EFCAB12: variants seen among roughly 807,000 people sequenced by gnomAD.
EFCAB12 encodes the protein EF-hand calcium binding domain 12.
Under a neutral mutation model 53.6 loss-of-function variants are expected in EFCAB12, and 43 were observed. The observed-to-expected ratio is 0.80, with a 90% confidence interval of 0.63 to 1.03. The LOEUF (loss-of-function observed/expected upper bound fraction) is 1.03. EFCAB12 is among the 50% of genes least tolerant of loss of function. The probability of loss-of-function intolerance (pLI) is 0.00; values close to 1 mark genes in which losing one functional copy is unlikely to be tolerated. For synonymous variants in EFCAB12, 269 were observed against 289.2 expected (o/e 0.93, Z 0.71); for missense variants, 646 against 730.6 (o/e 0.88, Z 1.34).
chr3:129,406,816 TG>T (rs200032565), intron 6 of EFCAB12, among the ~76,000 whole-genome samples: 1 of 149,900 alleles, frequency 6.7e-6, no homozygotes, highest in Non-Finnish European at 1.5e-5. Flanking sequence ...ATGTGACCGT[TG>T]GAGGGGGGAG....
At chr3:129,425,688 CT>C (rs1479680940) in intron 1 of EFCAB12, among the ~76,000 whole-genome samples, 2 of 152,146 alleles carry the variant, frequency 1.3e-5, no homozygotes, top group African/African-American at 4.8e-5. Flanking sequence ...GGGAAATGGG[CT>C]CTTATAATAA....
rs1053472605 is a variant in EFCAB12, at chr3:129,401,459, C to T, written c.*134G>A. 6 of 1,280,494 alleles carry T rather than the reference C, an allele frequency of 4.7e-6. No individual in the cohort carries two copies. The highest frequency in any genetic ancestry group is 5.8e-5 in the Admixed American group (2 of 34,222). 79.3% of individuals were successfully genotyped at this position (1,280,494 alleles called of 1,614,324 possible). A position where few individuals can be genotyped will look rare whatever the true frequency, so the allele number is the denominator to read the frequency against. On this transcript the variant is annotated 3_prime_UTR_variant, in exon 9 of 9. Transcript: ENST00000505956. Reference sequence around the variant, plus strand: ...ACACTTTGAGTCCAGAGGGAACTGGCCCCCGGTCCATCCCTCTTTGAAAGG... The same window carrying T: ...ACACTTTGAGTCCAGAGGGAACTGGTCCCCGGTCCATCCCTCTTTGAAAGG...
Position 129,418,280 on chromosome 3 carries a change from C to G in EFCAB12, c.655G>C (p.Glu219Gln). 6.2e-7 allele frequency: 1 copy of G among 1,612,660 alleles called. No homozygotes were observed. Among genetic ancestry groups the G allele is most frequent in the Non-Finnish European group, 8.5e-7 (1 of 1,179,096 alleles). The change falls in exon 3 of 9, where the codon GAG becomes CAG. Residue 219 changes from glutamate to glutamine, a missense_variant. Physicochemically the swap from Glu to Gln is conservative, Grantham distance 29 (BLOSUM62 2). Coordinates refer to ENST00000505956, the MANE Select transcript of EFCAB12 (RefSeq NM_207307.3). ...GCCTTTACAGCCGCGATGAACTCCT[C>G]CCTGGTGATTCTCTGGTTCTCACCC... ...GQGENQRITR[E>Q]EFIAAVKAVG...
chr3:129,412,544 A>T (rs930531011), intron 4 of EFCAB12: 1 of 152,386 alleles, frequency 6.6e-6, no homozygotes, highest in Non-Finnish European at 1.5e-5. Flanking sequence ...ACCAAAACCC[A>T]GAGTCCTCTC....
At chr3:129,417,343 A>C (rs1324758515) in intron 3 of EFCAB12, among the ~76,000 whole-genome samples, 2 of 135,946 alleles carry the variant, frequency 1.5e-5, no homozygotes, top group South Asian at 2.3e-4. Context: ...AAAAAAACCA[A>C]AAAAAAAAAA....
Position 129,401,490 on chromosome 3 carries a change from T to C in EFCAB12, c.*103A>G, listed in dbSNP as rs1390717493. 3.5e-6 allele frequency: 5 copies of C among 1,417,700 alleles called. No homozygotes were observed. The highest frequency in any genetic ancestry group is 4.7e-6 in the Non-Finnish European group (5 of 1,070,730). The allele number at this position is 1,417,700 out of a possible 1,614,324, so 87.8% of individuals were successfully genotyped here. On this transcript the variant is annotated 3_prime_UTR_variant, in exon 9 of 9. Transcript: ENST00000505956. ...GTCCATCCCTCTTTGAAAGGATTTC[T>C]TTAGTTTGACTCTTTGACACTCCTC... is the stretch of plus-strand genomic sequence containing the variant.
At chr3:129,412,418 GTAGA>G (rs142036688) in intron 4 of EFCAB12, 4,435 of 137,686 alleles carry the variant, frequency 0.032, 201 homozygotes, top group East Asian at 0.16. Context: ...TTGGATATGT[GTAGA>G]TGGATGGATA....
chr3:129,422,611 G>A (rs911643597), intron 1 of EFCAB12, among the ~76,000 whole-genome samples: 4 of 152,024 alleles, frequency 2.6e-5, no homozygotes, highest in Admixed American at 2.6e-4. Context: ...TATCCTCCAG[G>A]TCCCATCTTT....
In EFCAB12 at chr3:129,428,553, G is replaced by A. The variant is rs1470334239; in HGVS notation, c.-65C>T. On this transcript the variant is annotated 5_prime_UTR_variant, in exon 1 of 9. Transcript: ENST00000505956. ...AATGTGTGTCGATGTGGGCTTGCTT[G>A]CGTAGGGGTACCGGGGTATCAGATA... 39 of 1,568,270 alleles carry A rather than the reference G, an allele frequency of 2.5e-5. No individual in the cohort carries two copies. The South Asian group carries it at 4.3e-4, about 17-fold the overall frequency.
chr3:129,401,819 T>A lies in EFCAB12; in HGVS notation c.1493A>T (p.Gln498Leu), dbSNP rs1380834585. ...CCAGAAGGAATTGGGGTGTGTTTGC[T>A]GCAGACCACTGGACCTCTTCACCTT... ...KLKVKRSSGL[Q>L]QTHPNSFWPG... Residue 498 changes from glutamine to leucine, a missense_variant, in exon 9 of 9, where the codon CAG becomes CTG. Transcript: ENST00000505956. The A allele has an allele frequency of 1.2e-6, 2 of 1,613,216 alleles. No homozygotes were observed. The highest frequency in any genetic ancestry group is 2.7e-5 in the African/African-American group (2 of 74,922).
Position 129,421,643 on chromosome 3 carries a change from G to A in EFCAB12, c.210C>T (p.Pro70=). The change falls in exon 2 of 9, where the codon CCC becomes CCT. Residue 70 remains proline, a synonymous_variant. Transcript: ENST00000505956. The part of the protein sequence containing the change: ...IMVPRKEDQT[P]LNPASQPQAP... ...CCTGAGGTTGGGATGCAGGATTAAG[G>A]GGTGTCTGATCCTCCTTGCGAGGCA... The A allele has an allele frequency of 6.2e-7, 1 of 1,614,000 alleles. No individual in the cohort carries two copies. The highest frequency in any genetic ancestry group is 8.5e-7 in the Non-Finnish European group (1 of 1,179,898).
At chr3:129,409,305 T>C (rs2071999476) in intron 5 of EFCAB12, among the ~76,000 whole-genome samples, 1 of 152,072 alleles carries the variant, frequency 6.6e-6, no homozygotes, top group Admixed American at 6.5e-5. Flanking sequence ...TAGCTGGGCA[T>C]GGTGGCGCGC....
At chr3:129,426,297 A>G (rs1462201574) in intron 1 of EFCAB12, among the ~76,000 whole-genome samples, 1 of 149,990 alleles carries the variant, frequency 6.7e-6, no homozygotes, top group Non-Finnish European at 1.5e-5. Flanking sequence ...ATTAGCTCCA[A>G]GTTTATACCT....
chr3:129,422,232 A>T (rs1193955744), intron 1 of EFCAB12, among the ~76,000 whole-genome samples: 1 of 152,212 alleles, frequency 6.6e-6, no homozygotes, highest in Non-Finnish European at 1.5e-5. Flanking sequence ...TCTCTGTCTC[A>T]ACCTCCTCAT....
chr3:129,427,432 G>T (rs748078890), intron 1 of EFCAB12, among the ~76,000 whole-genome samples: 1 of 152,138 alleles, frequency 6.6e-6, no homozygotes, highest in African/African-American at 2.4e-5. Flanking sequence ...GCCAACTTGA[G>T]AACCATCTTT....
At chr3:129,411,036 T>C in intron 5 of EFCAB12, 122 bp downstream of exon 5, 1 of 1,018,498 alleles carries the variant, frequency 9.8e-7, no homozygotes, top group Non-Finnish European at 1.4e-6. Flanking sequence ...GAAGGGGTGG[T>C]TGTAGAGGCG....
At chr3:129,410,076 T>C (rs924171408) in intron 5 of EFCAB12, among the ~76,000 whole-genome samples, 3 of 151,938 alleles carry the variant, frequency 2.0e-5, no homozygotes, top group Non-Finnish European at 4.4e-5. Flanking sequence ...TGTGCAGTAA[T>C]AGCTCACTGC....
At chr3:129,420,805 GGT>G (rs1200242401) in intron 2 of EFCAB12, among the ~76,000 whole-genome samples, 5 of 152,210 alleles carry the variant, frequency 3.3e-5, no homozygotes, top group African/African-American at 1.2e-4. Context: ...AAGAGAATGT[GGT>G]GGAAGTGATA....
At chr3:129,424,261 C>T (rs896232835) in intron 1 of EFCAB12, among the ~76,000 whole-genome samples, 10 of 152,152 alleles carry the variant, frequency 6.6e-5, no homozygotes, top group African/African-American at 2.2e-4. Flanking sequence ...AAGTAAACAT[C>T]ATGGTATGGT....
Sources: gnomAD v4.1 joint callset for allele counts (sites outside exome capture counted in the v4.1 genomes callset) on GRCh38, gnomAD v4.1.1 for gene constraint, MANE v1.5 for transcripts, NCBI Gene and HGNC (gene_info 2026-07-23, HGNC 2026-07-21) for gene names.